MTHFD1L: variants seen among roughly 807,000 people sequenced by gnomAD.
MTHFD1L encodes methylenetetrahydrofolate dehydrogenase (NADP+ dependent) 1 like, also known as monofunctional C1-tetrahydrofolate synthase, mitochondrial.
Under a neutral mutation model 119.5 loss-of-function variants are expected in MTHFD1L, and 81 were observed. The observed-to-expected ratio is 0.68, with a 90% confidence interval of 0.57 to 0.82. The LOEUF is 0.82. MTHFD1L is among the 40% of genes least tolerant of loss of function. The pLI, the probability that MTHFD1L is intolerant of heterozygous loss-of-function variation, is 0.00. For synonymous variants in MTHFD1L, 430 were observed against 475.2 expected, an observed-to-expected ratio of 0.90 and a Z score of 1.24; for missense variants, 1,125 against 1,253.4, an observed-to-expected ratio of 0.90 and a Z score of 1.55.
At chr6:150,912,405 G>A (rs918175801) in intron 8 of MTHFD1L, among the ~76,000 whole-genome samples, 17 of 151,998 alleles carry the variant, frequency 1.1e-4, no homozygotes, top group Admixed American at 9.2e-4. Flanking sequence ...CCTAGATGGC[G>A]AGAAAATATT....
intron 26 of MTHFD1L, among the ~76,000 whole-genome samples, chr6:151,064,024 C>G (rs1790937435): frequency 6.6e-6 from 1 of 152,140 alleles, no homozygotes; most frequent in Non-Finnish European, 1.5e-5. Context: ...AATCTTTCTA[C>G]TGGGACCAGG....
chr6:150,939,194 C>T (rs574494322), intron 13 of MTHFD1L: 10 of 168,850 alleles, frequency 5.9e-5, no homozygotes, highest in Non-Finnish European at 1.0e-4. Flanking sequence ...GAAGACTTGA[C>T]GCTTCCCCTC....
At chr6:150,951,676 G>A (rs1794898558) in intron 16 of MTHFD1L, among the ~76,000 whole-genome samples, 1 of 151,972 alleles carries the variant, frequency 6.6e-6, no homozygotes, top group South Asian at 2.1e-4. Context: ...TTTAAATAAT[G>A]GACATGAATA....
At chr6:150,876,590 C>G (rs1327216634) in intron 2 of MTHFD1L, among the ~76,000 whole-genome samples, 1 of 152,178 alleles carries the variant, frequency 6.6e-6, no homozygotes, top group African/African-American at 2.4e-5. Flanking sequence ...CTTTTAAAAC[C>G]TGCCATAAAC....
chr6:150,953,710 T>C (rs1723784927), intron 16 of MTHFD1L, among the ~76,000 whole-genome samples: 1 of 152,166 alleles, frequency 6.6e-6, no homozygotes, highest in Admixed American at 6.5e-5. Flanking sequence ...CTAGTTGATC[T>C]TGCCAGACAT....
At chr6:150,975,259 G>A (rs200696372) in intron 20 of MTHFD1L, among the ~76,000 whole-genome samples, 22 of 152,250 alleles carry the variant, frequency 1.4e-4, no homozygotes, top group East Asian at 1.2e-3. Context: ...TCACAAATAC[G>A]TACCACGGAA....
At chr6:151,037,148 C>A (rs753155009) in intron 26 of MTHFD1L, 31 bp downstream of exon 26, 10 of 1,610,682 alleles carry the variant, frequency 6.2e-6, no homozygotes, top group Non-Finnish European at 8.5e-6. Context: ...AAAAACCCTC[C>A]CCATTCTGCA....
chr6:151,004,052 T>C (rs184846553), intron 20 of MTHFD1L, among the ~76,000 whole-genome samples: 5 of 150,790 alleles, frequency 3.3e-5, no homozygotes, highest in African/African-American at 9.7e-5. Flanking sequence ...GGTGATTACT[T>C]TAAAATCTGA....
chr6:151,047,008 G>A (rs1456752690), intron 26 of MTHFD1L, among the ~76,000 whole-genome samples: 4 of 152,160 alleles, frequency 2.6e-5, no homozygotes, highest in Non-Finnish European at 4.4e-5. Context: ...TCTGGAACTC[G>A]CGGCAGTTTA....
At chr6:150,905,949 C>T (rs1486609302) in intron 8 of MTHFD1L, among the ~76,000 whole-genome samples, 188 bp downstream of exon 8, 1 of 152,144 alleles carries the variant, frequency 6.6e-6, no homozygotes, top group African/African-American at 2.4e-5. Flanking sequence ...ACCAAGATGG[C>T]GGTTGAGGTG....
chr6:150,936,540 T>G (rs541926418), intron 11 of MTHFD1L, among the ~76,000 whole-genome samples: 4 of 152,346 alleles, frequency 2.6e-5, no homozygotes, highest in African/African-American at 9.6e-5. Flanking sequence ...AGTGGTTTTA[T>G]GGCCTTTCTT....
chr6:150,870,963 T>TA (rs566038858), intron 1 of MTHFD1L, among the ~76,000 whole-genome samples: 3,228 of 128,468 alleles, frequency 0.025, 105 homozygotes, highest in African/African-American at 0.074. Flanking sequence ...ATATATATAT[T>TA]ATATATATAA....
chr6:151,027,456 A>T (rs941623689), intron 24 of MTHFD1L, among the ~76,000 whole-genome samples: 1 of 152,188 alleles, frequency 6.6e-6, no homozygotes, highest in African/African-American at 2.4e-5. Context: ...CCAAGGCACA[A>T]TGTGGCAAGT....
Position 151,051,845 on chromosome 6 carries a change from G to A in MTHFD1L, c.2847+14728G>A, listed in dbSNP as rs533521799. On this transcript the variant is annotated intron_variant, in intron 26 of 27. Transcript: ENST00000367321. Reference sequence around the variant, plus strand: ...AGGAGTGGGGCTTGGGGTGAAACTGGGGCATTTGAGACACTGCAGGCCCAT... The same window carrying A: ...AGGAGTGGGGCTTGGGGTGAAACTGAGGCATTTGAGACACTGCAGGCCCAT... Among the ~76,000 whole-genome samples, 8 of 152,324 alleles carry A rather than the reference G, an allele frequency of 5.3e-5. No homozygotes were observed. In the South Asian group the frequency reaches 1.2e-3, roughly 24 times the overall value.
chr6:151,086,688 T>C (rs542760996), intron 26 of MTHFD1L, among the ~76,000 whole-genome samples: 1 of 152,106 alleles, frequency 6.6e-6, no homozygotes, highest in South Asian at 2.1e-4. Context: ...CCACCACACC[T>C]GGCTAATTTT....
At chr6:151,071,524 C>G (rs1433689191) in intron 26 of MTHFD1L, among the ~76,000 whole-genome samples, 1 of 151,940 alleles carries the variant, frequency 6.6e-6, no homozygotes, top group Non-Finnish European at 1.5e-5. Flanking sequence ...TTTCATTCAC[C>G]AAGGTCACCG....
intron 24 of MTHFD1L, chr6:151,022,022 CG>C: frequency 4.2e-6 from 2 of 471,146 alleles, no homozygotes; most frequent in South Asian, 3.1e-5. Flanking sequence ...CTGTTCCTTG[CG>C]TGAAGCCATT....
chr6:151,044,282 G>A (rs1389474972), intron 26 of MTHFD1L, among the ~76,000 whole-genome samples: 3 of 150,796 alleles, frequency 2.0e-5, no homozygotes, highest in Non-Finnish European at 3.0e-5. Context: ...AGGAGGCACC[G>A]CATGGGTACA....
intron 26 of MTHFD1L, among the ~76,000 whole-genome samples, chr6:151,088,677 G>C (rs544044717): frequency 1.3e-3 from 184 of 143,096 alleles, no homozygotes; most frequent in African/African-American, 4.5e-3. Context: ...CGCCATGTTG[G>C]CCAGGCTGAC....
Sources: gnomAD v4.1 joint callset for allele counts (sites outside exome capture counted in the v4.1 genomes callset) on GRCh38, gnomAD v4.1.1 for gene constraint, MANE v1.5 for transcripts, NCBI Gene and HGNC (gene_info 2026-07-23, HGNC 2026-07-21) for gene names.